Variants in ST6GALNAC3 observed in about 807,000 individuals in gnomAD.
ST6GALNAC3 encodes alpha-N-acetylgalactosaminide alpha-2,6-sialyltransferase 3.
ST6GALNAC3 carries 25 observed loss-of-function variants against 32.7 expected under a neutral mutation model. The ratio of observed to expected loss-of-function variants is 0.76; its 90% CI spans 0.56 to 1.07. The LOEUF is 1.07. ST6GALNAC3 is among the 50% of genes least tolerant of loss of function. ST6GALNAC3 has a pLI of 0.00. For missense variants in ST6GALNAC3, 355 were observed against 382.4 expected (o/e 0.93, Z 0.60); for synonymous variants, 129 against 133.1 (o/e 0.97, Z 0.21).
At chr1:76,558,884 A>G (rs540112541) in intron 3 of ST6GALNAC3, among the ~76,000 whole-genome samples, 3 of 152,284 alleles carry the variant, frequency 2.0e-5, no homozygotes, top group Admixed American at 6.5e-5. Flanking sequence ...ATGTGGGACC[A>G]TTCTGTATTA....
chr1:76,438,252 C>T (rs1196916137), intron 3 of ST6GALNAC3, among the ~76,000 whole-genome samples: 1 of 151,558 alleles, frequency 6.6e-6, no homozygotes, highest in Non-Finnish European at 1.5e-5. Context: ...CCCGGGTTCG[C>T]GCCATTCTCC....
chr1:76,604,275 G>A (rs1203886916), intron 3 of ST6GALNAC3, among the ~76,000 whole-genome samples: 1 of 152,160 alleles, frequency 6.6e-6, no homozygotes, highest in African/African-American at 2.4e-5. Flanking sequence ...TAAAGGTTCT[G>A]TAATCAAATG....
intron 1 of ST6GALNAC3, among the ~76,000 whole-genome samples, chr1:76,077,714 C>T (rs1646836175): frequency 6.6e-6 from 1 of 152,176 alleles, no homozygotes; most frequent in African/African-American, 2.4e-5. Flanking sequence ...CTCTTCCTGG[C>T]ACAGGGAAGG....
intron 3 of ST6GALNAC3, among the ~76,000 whole-genome samples, chr1:76,502,017 A>G (rs1661203304): frequency 6.6e-6 from 1 of 152,140 alleles, no homozygotes; most frequent in Non-Finnish European, 1.5e-5. Flanking sequence ...TCCACTTTCA[A>G]AGCCTTGAGA....
chr1:76,484,833 A>T (rs1438918770), intron 3 of ST6GALNAC3, among the ~76,000 whole-genome samples: 1 of 152,164 alleles, frequency 6.6e-6, no homozygotes, highest in African/African-American at 2.4e-5. Context: ...GTTTTTGCCC[A>T]TTCAGTATGA....
At chr1:76,518,356 A>G (rs11806146) in intron 3 of ST6GALNAC3, among the ~76,000 whole-genome samples, 3,069 of 152,208 alleles carry the variant, frequency 0.02, 123 homozygotes, top group African/African-American at 0.071. Context: ...TATTATGTAT[A>G]TCTGACATGG....
chr1:76,281,306 A>C (rs1162152524), intron 1 of ST6GALNAC3, among the ~76,000 whole-genome samples: 3 of 152,234 alleles, frequency 2.0e-5, no homozygotes, highest in African/African-American at 7.2e-5. Flanking sequence ...ATGCACACTT[A>C]ATTATGAGTT....
At chr1:76,122,297 A>G (rs377682431) in intron 1 of ST6GALNAC3, among the ~76,000 whole-genome samples, 76 of 152,316 alleles carry the variant, frequency 5.0e-4, no homozygotes, top group Middle Eastern at 3.4e-3. Context: ...TCTCTCCCCC[A>G]TGCGTTATCT....
chr1:76,307,862 G>C (rs779833954), intron 1 of ST6GALNAC3: 5 of 513,400 alleles, frequency 9.7e-6, no homozygotes, highest in African/African-American at 7.7e-5. Flanking sequence ...CAAAATAATG[G>C]ATTTTCTGTG....
chr1:76,198,863 G>T (rs1654362760), intron 1 of ST6GALNAC3, among the ~76,000 whole-genome samples: 1 of 152,152 alleles, frequency 6.6e-6, no homozygotes, highest in Admixed American at 6.5e-5. Flanking sequence ...AGCAACTAGA[G>T]GGTAGTTGAA....
chr1:76,096,745 TC>T (rs557136139), intron 1 of ST6GALNAC3, among the ~76,000 whole-genome samples: 1 of 151,514 alleles, frequency 6.6e-6, no homozygotes. Flanking sequence ...ACAGTCCTTC[TC>T]CCCACTTTCA....
At chr1:76,241,228 A>G (rs1204355064) in intron 1 of ST6GALNAC3, among the ~76,000 whole-genome samples, 1 of 152,188 alleles carries the variant, frequency 6.6e-6, no homozygotes, top group East Asian at 1.9e-4. Flanking sequence ...TTGTGTTGCT[A>G]TAAAGGAATA....
At chr1:76,389,941 A>G (rs1452989324) in intron 2 of ST6GALNAC3, among the ~76,000 whole-genome samples, 1 of 152,158 alleles carries the variant, frequency 6.6e-6, no homozygotes, top group African/African-American at 2.4e-5. Flanking sequence ...TTAATTTTTC[A>G]TAATAGCCAG....
intron 1 of ST6GALNAC3, among the ~76,000 whole-genome samples, chr1:76,150,452 T>C (rs1650970061): frequency 6.6e-6 from 1 of 152,246 alleles, no homozygotes; most frequent in East Asian, 1.9e-4. Context: ...TCCCTCTGGG[T>C]AGACCCAATT....
intron 3 of ST6GALNAC3, among the ~76,000 whole-genome samples, chr1:76,456,631 G>C (rs1657823818): frequency 6.6e-6 from 1 of 152,024 alleles, no homozygotes; most frequent in African/African-American, 2.4e-5. Flanking sequence ...ATGCAGAAAA[G>C]GCCTTTGACA....
At chr1:76,420,374 T>TA (rs1302586139) in intron 3 of ST6GALNAC3, among the ~76,000 whole-genome samples, 1 of 152,026 alleles carries the variant, frequency 6.6e-6, no homozygotes, top group Non-Finnish European at 1.5e-5. Context: ...TCCTGCCCTA[T>TA]TCCTTAGCAA....
chr1:76,254,118 A>G (rs1657782453), intron 1 of ST6GALNAC3, among the ~76,000 whole-genome samples: 1 of 152,152 alleles, frequency 6.6e-6, no homozygotes, highest in South Asian at 2.1e-4. Flanking sequence ...ATGAATTATA[A>G]AAATGGTTCT....
chr1:76,339,177 T>A (rs1307999352), intron 2 of ST6GALNAC3, among the ~76,000 whole-genome samples: 2 of 152,202 alleles, frequency 1.3e-5, no homozygotes, highest in African/African-American at 4.8e-5. Flanking sequence ...TCCTGGAAGC[T>A]GTGACCTTTC....
At chr1:76,614,753 A>T (rs958768152) in intron 3 of ST6GALNAC3, among the ~76,000 whole-genome samples, 3 of 137,448 alleles carry the variant, frequency 2.2e-5, no homozygotes, top group Non-Finnish European at 4.8e-5. Context: ...AAAAAAAAAA[A>T]ATTAATAAAT....
Sources: allele counts gnomAD v4.1 joint callset (sites outside exome capture counted in the v4.1 genomes callset), GRCh38; gene constraint gnomAD v4.1.1; transcripts MANE v1.5; gene names NCBI Gene and HGNC (gene_info 2026-07-23, HGNC 2026-07-21).